The following SATL1 variants were observed in gnomAD, a reference collection of about 807,000 sequenced individuals.
The protein encoded by SATL1 is spermidine/spermine N1-acetyl transferase like 1, also known as spermidine/spermine N(1)-acetyltransferase-like protein 1.
Under a neutral mutation model 51.8 loss-of-function variants are expected in SATL1, and 47 were observed. That is an observed-to-expected ratio of 0.91 (90% CI 0.72 to 1.16). SATL1 has a LOEUF of 1.16. SATL1 is among the 50% of genes most tolerant of loss of function. SATL1 has a pLI of 0.00. For missense variants in SATL1, 520 were observed against 526.4 expected (o/e 0.99, Z 0.12); for synonymous variants, 176 against 182.4 (o/e 0.97, Z 0.28).
At chrX:85,116,550 C>T (rs762700476) in intron 2 of SATL1, among the ~76,000 whole-genome samples, 10 of 111,785 alleles carry the variant, frequency 8.9e-5, no homozygotes, top group Admixed American at 8.5e-4. Context: ...CCATTTCTTC[C>T]CTTACCAGCC....
Position 85,107,545 on chromosome X carries a change from C to A in SATL1, c.1424G>T (p.Gly475Val). Residue 475 changes from glycine (G) to valine (V), a missense_variant, in exon 3 of 8, where the codon GGC becomes GTC. Coordinates refer to ENST00000644105, the MANE Select transcript of SATL1 (RefSeq NM_001367857.2). ...TTCCCATATGCCTGGTTGGCCCCTG[C>A]CTGGATGGCTCATGCCTGTTTGGTT... is the stretch of plus-strand genomic sequence containing the variant. ...SKNQTGMSHPGRGQPGIWEPG... is the reference protein window; with the variant it reads ...SKNQTGMSHPVRGQPGIWEPG... 1.6e-6 allele frequency: 2 copies of A among 1,212,226 alleles called. No individual in the cohort carries two copies. The highest frequency in any genetic ancestry group is 4.3e-5 in the Admixed American group (2 of 46,137).
At position 85,107,749 on chromosome X, in the gene SATL1, C is replaced by T. The variant is rs757042357; in HGVS notation, c.1220G>A (p.Ser407Asn). The change falls in exon 3 of 8, where the codon AGC becomes AAC. Residue 407 changes from serine (S) to asparagine (N), a missense_variant. Ser to Asn is a conservative substitution (Grantham distance 46). Coordinates refer to ENST00000644105, the MANE Select transcript of SATL1 (RefSeq NM_001367857.2). Reference protein sequence around the residue: ...RQVGTSQSGTSQIGMSQPGTW... With the variant: ...RQVGTSQSGTNQIGMSQPGTW... The stretch of plus-strand genomic sequence containing the variant: ...GCCTGGTTGGCTCATGCCTATTTGG[C>T]TTGTGCCTGATTGGCTGGTGCCTAC... The T allele has an allele frequency of 4.0e-5, 48 of 1,209,216 alleles. No individual in the cohort carries two copies. In the African/African-American group the frequency reaches 6.7e-4, roughly 17 times the overall value.
chrX:85,095,600 G>GA (rs1556383022), intron 4 of SATL1, among the ~76,000 whole-genome samples: 3 of 106,871 alleles, frequency 2.8e-5, no homozygotes, highest in Non-Finnish European at 5.8e-5. Context: ...GCCGAGGCGG[G>GA]CGGATCACGA....
chrX:85,157,706 A>G (rs1272337199), intron 2 of SATL1, among the ~76,000 whole-genome samples: 1 of 111,460 alleles, frequency 9.0e-6, no homozygotes, highest in Admixed American at 9.6e-5. Context: ...AATGCCCATC[A>G]CTTAGGCTAT....
intron 2 of SATL1, among the ~76,000 whole-genome samples, chrX:85,181,887 G>T (rs1927211899): frequency 9.0e-6 from 1 of 111,463 alleles, no homozygotes; most frequent in South Asian, 3.7e-4. Flanking sequence ...CTAAAACAAT[G>T]TGTACATTTT....
intron 2 of SATL1, among the ~76,000 whole-genome samples, chrX:85,186,857 G>C (rs1028267343): frequency 9.0e-6 from 1 of 111,701 alleles, no homozygotes; most frequent in Admixed American, 9.5e-5. Flanking sequence ...GTGGATAGTT[G>C]TTCAATTTGG....
chrX:85,162,465 A>G (rs1224795962), intron 2 of SATL1, among the ~76,000 whole-genome samples: 1 of 111,625 alleles, frequency 9.0e-6, no homozygotes, highest in Non-Finnish European at 1.9e-5. Flanking sequence ...TTGTAGGTAT[A>G]CTATCATATC....
chrX:85,112,534 T>C (rs926606388), intron 2 of SATL1, among the ~76,000 whole-genome samples: 9 of 111,512 alleles, frequency 8.1e-5, no homozygotes, highest in African/African-American at 2.9e-4. Flanking sequence ...GCTGTCTACA[T>C]GCACAGTGGC....
intron 2 of SATL1, among the ~76,000 whole-genome samples, chrX:85,150,297 A>T (rs1037318723): frequency 7.2e-5 from 8 of 111,699 alleles, no homozygotes; most frequent in Middle Eastern, 4.2e-3. Flanking sequence ...GATGAATAAT[A>T]GGCTCTGAAA....
intron 2 of SATL1, among the ~76,000 whole-genome samples, chrX:85,178,611 C>CAAA (rs60561678): frequency 1.0e-3 from 50 of 50,245 alleles, no homozygotes; most frequent in African/African-American, 2.5e-3. Context: ...ACAAAATGCT[C>CAAA]AAAAAAAAAA....
chrX:85,190,400 G>T (rs1228477952), intron 2 of SATL1, among the ~76,000 whole-genome samples: 2 of 111,565 alleles, frequency 1.8e-5, no homozygotes, highest in Non-Finnish European at 3.8e-5. Flanking sequence ...GCTAGATAAA[G>T]GCTATGGTCC....
At chrX:85,173,997 C>A in intron 2 of SATL1, among the ~76,000 whole-genome samples, 1 of 103,759 alleles carries the variant, frequency 9.6e-6, no homozygotes, top group Non-Finnish European at 2.0e-5. Context: ...TGTTCAATTC[C>A]CACCTATGAG....
chrX:85,242,576 A>G (rs1456464156), intron 1 of SATL1, among the ~76,000 whole-genome samples: 1 of 112,506 alleles, frequency 8.9e-6, no homozygotes, highest in Non-Finnish European at 1.9e-5. Flanking sequence ...AGCCATGCTC[A>G]CTTATCTCTC....
chrX:85,116,798 AC>A (rs1012106938), intron 2 of SATL1, among the ~76,000 whole-genome samples: 1 of 110,601 alleles, frequency 9.0e-6, no homozygotes, highest in African/African-American at 3.3e-5. Flanking sequence ...AGTCTCTAAA[AC>A]AATAATTGGT....
chrX:85,219,956 T>C (rs1928136204), intron 2 of SATL1, among the ~76,000 whole-genome samples: 1 of 106,533 alleles, frequency 9.4e-6, no homozygotes, highest in African/African-American at 3.5e-5. Context: ...TGAGCCCTCA[T>C]AGTACCTGGT....
In SATL1 at chrX:85,166,935, A is replaced by G. The variant is rs868394228; in HGVS notation, c.-313+57270T>C. On this transcript the variant is annotated intron_variant, in intron 2 of 7. Transcript: ENST00000644105. ...ATGGGGTATATATATATATATATAT[A>G]TGTGTATGTGTGTGTGTGTGTGTGT... 4.1e-3 allele frequency among the ~76,000 whole-genome samples: 347 copies of G among 84,700 alleles called. 5 individuals are homozygous for G. Among genetic ancestry groups the G allele is most frequent in the Non-Finnish European group, 5.1e-3 (226 of 44,245 alleles). 73.6% of individuals were successfully genotyped at this position (84,700 alleles called of 115,157 possible). A position where few individuals can be genotyped will look rare whatever the true frequency, so the allele number is the denominator to read the frequency against.
At chrX:85,118,087 CTTTT>C (rs747093188) in intron 2 of SATL1, among the ~76,000 whole-genome samples, 2 of 46,169 alleles carry the variant, frequency 4.3e-5, no homozygotes, top group African/African-American at 5.9e-5. Context: ...AAGAACTTAG[CTTTT>C]TTTTTTTTTT....
chrX:85,132,754 C>A (rs1429014816), intron 2 of SATL1, among the ~76,000 whole-genome samples: 1 of 112,090 alleles, frequency 8.9e-6, no homozygotes, highest in Non-Finnish European at 1.9e-5. Context: ...GAGTTTTCAG[C>A]TTTTCTGCTC....
At chrX:85,215,669 G>C (rs374283889) in intron 2 of SATL1, among the ~76,000 whole-genome samples, 26 of 112,564 alleles carry the variant, frequency 2.3e-4, no homozygotes, top group African/African-American at 8.1e-4. Context: ...ATGCAGCCAA[G>C]TTCTTTGCTA....
Sources: allele counts gnomAD v4.1 joint callset (sites outside exome capture counted in the v4.1 genomes callset), GRCh38; gene constraint gnomAD v4.1.1; transcripts MANE v1.5; gene names NCBI Gene and HGNC (gene_info 2026-07-23, HGNC 2026-07-21).